PHKB: variants seen among roughly 807,000 people sequenced by gnomAD.
PHKB encodes the protein phosphorylase kinase regulatory subunit beta.
A neutral mutation model predicts 152.1 loss-of-function variants in PHKB; 122 were observed. The ratio of observed to expected loss-of-function variants is 0.80; its 90% confidence interval spans 0.69 to 0.93. The LOEUF (loss-of-function observed/expected upper bound fraction) is 0.93. Ranked by LOEUF, PHKB falls within the 40% of genes least tolerant of loss-of-function variation. PHKB has a pLI of 0.00. For synonymous variants in PHKB, 436 were observed against 464.9 expected (o/e 0.94, Z 0.80); for missense variants, 1,304 against 1,328.4 (o/e 0.98, Z 0.29).
chr16:47,571,827 C>T (rs1267289606), intron 7 of PHKB, among the ~76,000 whole-genome samples: 1 of 152,210 alleles, frequency 6.6e-6, no homozygotes, highest in Non-Finnish European at 1.5e-5. Context: ...CTGAAAGAAA[C>T]TTCCCATAGG....
At chr16:47,664,685 G>A (rs1279779653) in intron 24 of PHKB, 200 bp from the exon 25 acceptor site, 7 of 584,054 alleles carry the variant, frequency 1.2e-5, no homozygotes, top group South Asian at 2.0e-5. Context: ...AACTTTCTTA[G>A]CCAGTAAGTT....
At chr16:47,468,933 G>A (rs2151627126) in intron 1 of PHKB, among the ~76,000 whole-genome samples, 1 of 152,198 alleles carries the variant, frequency 6.6e-6, no homozygotes, top group East Asian at 1.9e-4. Flanking sequence ...TGAGTTTTAG[G>A]TTCTTATCTT....
At chr16:47,666,789 G>A (rs1234503776) in intron 25 of PHKB, among the ~76,000 whole-genome samples, 3 of 152,208 alleles carry the variant, frequency 2.0e-5, no homozygotes, top group Non-Finnish European at 4.4e-5. Flanking sequence ...TGCATGTGGG[G>A]TGTGGCTACT....
intron 7 of PHKB, among the ~76,000 whole-genome samples, chr16:47,557,789 C>G (rs1233125805): frequency 6.6e-6 from 1 of 152,014 alleles, no homozygotes; most frequent in Non-Finnish European, 1.5e-5. Flanking sequence ...GTTGGTGAGA[C>G]TGTAAACTAG....
intron 7 of PHKB, chr16:47,566,775 G>T: frequency 4.0e-6 from 3 of 741,172 alleles, no homozygotes; most frequent in South Asian, 1.4e-5. Context: ...TGTTTCATGA[G>T]CCCAGCTGAC....
chr16:47,518,261 T>C (rs1177692867), intron 6 of PHKB, among the ~76,000 whole-genome samples: 1 of 152,212 alleles, frequency 6.6e-6, no homozygotes, highest in Admixed American at 6.5e-5. Flanking sequence ...TTTGGAGATA[T>C]ACATATGTGC....
chr16:47,619,868 C>G (rs1972587217), intron 14 of PHKB, among the ~76,000 whole-genome samples: 1 of 152,114 alleles, frequency 6.6e-6, no homozygotes, highest in African/African-American at 2.4e-5. Flanking sequence ...TTACAGTTGT[C>G]CACTAGGTAT....
At chr16:47,669,151 T>A in intron 25 of PHKB, 64 bp from the exon 26 acceptor site, 2 of 1,301,862 alleles carry the variant, frequency 1.5e-6, no homozygotes, top group Non-Finnish European at 2.2e-6. Context: ...GAGCCTTGAT[T>A]TTTTTTTAAT....
At position 47,466,857 on chromosome 16, in the gene PHKB, C is replaced by T. The variant is rs76437965; in HGVS notation, c.76+5431C>T. Reference sequence around the variant, plus strand: ...TTGTGATTGGAAGAGAACACAGGCCCGAGTCTCCTGAACTCTTGTGGGTTG... The same window carrying T: ...TTGTGATTGGAAGAGAACACAGGCCTGAGTCTCCTGAACTCTTGTGGGTTG... On this transcript the variant is annotated intron_variant, in intron 1 of 30. Transcript: ENST00000323584. 7.0e-3 allele frequency among the ~76,000 whole-genome samples: 1,058 copies of T among 152,120 alleles called. 14 individuals carry two copies. The highest frequency in any genetic ancestry group is 0.024 in the African/African-American group (1,005 of 41,496).
chr16:47,611,060 T>C, intron 14 of PHKB, 140 bp downstream of exon 14: 1 of 695,030 alleles, frequency 1.4e-6, no homozygotes, highest in South Asian at 1.5e-5. Flanking sequence ...AGTTAAGATT[T>C]ACTTGTGGTG....
At chr16:47,687,256 G>A (rs539527829) in intron 26 of PHKB, among the ~76,000 whole-genome samples, 13 of 152,232 alleles carry the variant, frequency 8.5e-5, no homozygotes, top group South Asian at 4.1e-4. Context: ...ATAACTTTTC[G>A]TTTTAAAGAA....
intron 7 of PHKB, among the ~76,000 whole-genome samples, chr16:47,575,380 A>G (rs1439610056): frequency 1.3e-5 from 2 of 152,246 alleles, no homozygotes; most frequent in African/African-American, 4.8e-5. Flanking sequence ...AAATTATTAT[A>G]TCAAAAAGAT....
In PHKB at chr16:47,580,284, T is replaced by C; in HGVS notation, c.711-11T>C. The C allele has an allele frequency of 6.2e-7, 1 of 1,608,384 alleles. No homozygotes were observed. ...CATTAGAGTAATAAAGCATTTCCTT[T>C]TCTCTTTTAGCTCGGTTGGTTTAGC... On this transcript the variant is annotated splice_polypyrimidine_tract_variant and intron_variant, in intron 7 of 30. Coordinates refer to ENST00000323584, the MANE Select transcript of PHKB (RefSeq NM_000293.3).
Position 47,699,658 on chromosome 16 carries a change from A to G in PHKB, c.*292A>G, listed in dbSNP as rs191276795. The G allele has an allele frequency of 4.7e-6, 2 of 427,318 alleles. No homozygotes were observed. Among genetic ancestry groups the G allele is most frequent in the East Asian group, 9.7e-5 (2 of 20,600 alleles). The allele number at this position is 427,318 out of a possible 1,614,324, so 26.5% of individuals were successfully genotyped here. A position where few individuals can be genotyped will look rare whatever the true frequency, so the allele number is the denominator to read the frequency against. On this transcript the variant is annotated 3_prime_UTR_variant, in exon 31 of 31. Transcript: ENST00000323584. ...TTGAAAATTTGCCGCTGCATGTTGT[A>G]TGATCAAATAGTTCATCAAAATGAA...
chr16:47,556,603 A>C (rs1373610234), intron 7 of PHKB, among the ~76,000 whole-genome samples: 2 of 152,196 alleles, frequency 1.3e-5, no homozygotes, highest in East Asian at 1.9e-4. Flanking sequence ...CCAGCCTTGC[A>C]TCCCAGGGAT....
chr16:47,571,431 C>G (rs1019836772), intron 7 of PHKB, among the ~76,000 whole-genome samples: 1 of 152,134 alleles, frequency 6.6e-6, no homozygotes, highest in African/African-American at 2.4e-5. Context: ...AGGGAGCCAC[C>G]TCAGCTTCAC....
At chr16:47,558,459 G>A (rs1567305894) in intron 7 of PHKB, among the ~76,000 whole-genome samples, 1 of 152,198 alleles carries the variant, frequency 6.6e-6, no homozygotes, top group African/African-American at 2.4e-5. Flanking sequence ...ATAGCTTGCT[G>A]TTGCCAGAGA....
intron 1 of PHKB, among the ~76,000 whole-genome samples, chr16:47,475,001 G>GGT (rs1969844506): frequency 6.6e-6 from 1 of 152,328 alleles, no homozygotes; most frequent in African/African-American, 2.4e-5. Context: ...TGGTATTACA[G>GGT]GTGTGTGCCA....
intron 13 of PHKB, 98 bp from the exon 14 acceptor site, chr16:47,610,728 A>G: frequency 1.3e-6 from 1 of 746,116 alleles, no homozygotes; most frequent in South Asian, 1.5e-5. Context: ...AGAAAAATGT[A>G]TATTCTTCTC....
Sources: gnomAD v4.1 joint callset for allele counts (sites outside exome capture counted in the v4.1 genomes callset) on GRCh38, gnomAD v4.1.1 for gene constraint, MANE v1.5 for transcripts, NCBI Gene and HGNC (gene_info 2026-07-23, HGNC 2026-07-21) for gene names.